PRUNE2: variants seen among roughly 807,000 people sequenced by gnomAD.
PRUNE2 encodes protein prune homolog 2.
In PRUNE2, 164 loss-of-function variants were observed where a neutral mutation model predicts 252.0. The observed-to-expected ratio is 0.65, with a 90% CI of 0.57 to 0.74. The LOEUF is 0.74. Among genes scored for constraint, PRUNE2 ranks in the 30% least tolerant of loss-of-function variants. The pLI is 0.00. For missense variants in PRUNE2, 3,495 were observed against 3,711.0 expected (o/e 0.94, Z 1.51); for synonymous variants, 1,292 against 1,350.2 (o/e 0.96, Z 0.94).
At chr9:76,661,910 C>T (rs139160345) in intron 9 of PRUNE2, among the ~76,000 whole-genome samples, 168 of 151,462 alleles carry the variant, frequency 1.1e-3, no homozygotes, top group African/African-American at 3.9e-3. Context: ...ACTTACCATA[C>T]GTGATGTCTC....
chr9:76,839,974 A>T (rs1388846046), intron 4 of PRUNE2, among the ~76,000 whole-genome samples: 2 of 152,248 alleles, frequency 1.3e-5, no homozygotes, highest in East Asian at 1.9e-4. Flanking sequence ...CAAGAAACTA[A>T]AAGGTTCTAC....
rs755197088 is a variant in PRUNE2, at chr9:76,842,073, C to T, written c.508+4442G>A. On this transcript the variant is annotated intron_variant, in intron 4 of 18. Transcript: ENST00000376718. ...CAAAAAGAACAAAATGGAGGTATCA[C>T]GCTACCTGACTTCAAACTATACTAC... Among the ~76,000 whole-genome samples the T allele has an allele frequency of 1.8e-4, 28 of 152,146 alleles. 1 individual carries two copies. In the South Asian group the frequency reaches 2.3e-3, roughly 12 times the overall value.
intron 6 of PRUNE2, among the ~76,000 whole-genome samples, chr9:76,731,696 GA>G (rs1054318180): frequency 4.6e-5 from 7 of 151,992 alleles, no homozygotes; most frequent in African/African-American, 1.7e-4. Flanking sequence ...AGAGCAAGGA[GA>G]AAATTCCAGA....
chr9:76,731,328 T>A (rs58194034), intron 6 of PRUNE2, among the ~76,000 whole-genome samples: 21,518 of 133,216 alleles, frequency 0.16, 2,195 homozygotes, highest in East Asian at 0.47. Context: ...ATATATATTT[T>A]TTTTTTTTTT....
chr9:76,675,588 T>C (rs2042383809), intron 9 of PRUNE2, among the ~76,000 whole-genome samples: 1 of 112,290 alleles, frequency 8.9e-6, no homozygotes, highest in Non-Finnish European at 2.0e-5. Flanking sequence ...GGACTATAAA[T>C]CATGCTGCTA....
intron 12 of PRUNE2, chr9:76,642,014 A>G (rs1842833895): frequency 3.0e-6 from 4 of 1,352,534 alleles, no homozygotes; most frequent in Non-Finnish European, 3.0e-6. Context: ...AAAAAAAAAA[A>G]AAAGAAAAGA....
At chr9:76,804,508 G>A (rs1208482881) in intron 6 of PRUNE2, among the ~76,000 whole-genome samples, 1 of 152,200 alleles carries the variant, frequency 6.6e-6, no homozygotes, top group African/African-American at 2.4e-5. Flanking sequence ...TCATCTTGGT[G>A]CTTCAACATA....
In PRUNE2 at chr9:76,703,959, G is replaced by A; in HGVS notation, c.7654C>T (p.Leu2552Phe). Residue 2552 changes from leucine to phenylalanine, a missense_variant, in exon 9 of 19, where the codon CTT (leucine) becomes TTT (phenylalanine). Coordinates refer to ENST00000376718, the MANE Select transcript of PRUNE2 (RefSeq NM_015225.3). Reference protein sequence around the residue: ...DRHALHMDYILVNREENSHSK... With the variant: ...DRHALHMDYIFVNREENSHSK... ...TGTGAATTTTCTTCACGGTTTACAA[G>A]TATGTAATCCATGTGTAGTGCATGA... 5 of 1,613,890 alleles carry A rather than the reference G, an allele frequency of 3.1e-6. No homozygotes were observed. Among genetic ancestry groups the A allele is most frequent in the Non-Finnish European group, 4.2e-6 (5 of 1,179,832 alleles).
intron 6 of PRUNE2, among the ~76,000 whole-genome samples, chr9:76,716,148 C>T (rs924306540): frequency 1.3e-5 from 2 of 152,174 alleles, no homozygotes; most frequent in Non-Finnish European, 2.9e-5. Flanking sequence ...GATTAAGAAT[C>T]AGTAGAATCA....
At chr9:76,752,085 GTTT>G (rs1228094533) in intron 6 of PRUNE2, among the ~76,000 whole-genome samples, 6 of 73,342 alleles carry the variant, frequency 8.2e-5, no homozygotes, top group African/African-American at 4.2e-4. Context: ...CTCAATTCCT[GTTT>G]TTTTTTTGGT....
At chr9:76,755,348 A>T (rs920819332) in intron 6 of PRUNE2, among the ~76,000 whole-genome samples, 2 of 152,218 alleles carry the variant, frequency 1.3e-5, no homozygotes. Flanking sequence ...ACGAATGAAA[A>T]AAAGATAAAC....
rs563001413 is a variant in PRUNE2, at chr9:76,661,115, A to G, written c.8277-5613T>C. The stretch of plus-strand genomic sequence containing the variant: ...GGTTGTCATAGCAGGTAATGTCACC[A>G]AGACCTCAGTAGCCATTCTGCTTAA... On this transcript the variant is annotated intron_variant, in intron 9 of 18. Coordinates refer to ENST00000376718, the MANE Select transcript of PRUNE2 (RefSeq NM_015225.3). 2.0e-5 allele frequency among the ~76,000 whole-genome samples: 3 copies of G among 152,344 alleles called. No homozygotes were observed. The East Asian group carries it at 5.8e-4, about 29-fold the overall frequency.
At chr9:76,864,130 A>G (rs1008419282) in intron 1 of PRUNE2, among the ~76,000 whole-genome samples, 2 of 152,214 alleles carry the variant, frequency 1.3e-5, no homozygotes, top group African/African-American at 4.8e-5. Context: ...AACAAAATCA[A>G]GTCCTTTGCA....
intron 9 of PRUNE2, among the ~76,000 whole-genome samples, chr9:76,678,228 T>G (rs1404795177): frequency 6.6e-6 from 1 of 151,212 alleles, no homozygotes; most frequent in African/African-American, 2.4e-5. Flanking sequence ...GGTGGGCGCC[T>G]TTAATCCCAG....
At chr9:76,842,534 G>C (rs1324151344) in intron 4 of PRUNE2, among the ~76,000 whole-genome samples, 1 of 152,118 alleles carries the variant, frequency 6.6e-6, no homozygotes, top group Admixed American at 6.5e-5. Flanking sequence ...ACTATCATCA[G>C]AATGAACAGG....
intron 6 of PRUNE2, among the ~76,000 whole-genome samples, chr9:76,726,415 A>G (rs2135342245): frequency 6.6e-6 from 1 of 152,316 alleles, no homozygotes; most frequent in East Asian, 1.9e-4. Context: ...ATACATTCTA[A>G]CACACACATG....
chr9:76,866,206 A>G (rs989099772), intron 1 of PRUNE2, among the ~76,000 whole-genome samples: 1 of 152,226 alleles, frequency 6.6e-6, no homozygotes, highest in Non-Finnish European at 1.5e-5. Context: ...CATAATTCTA[A>G]TTAGCTACCA....
intron 9 of PRUNE2, among the ~76,000 whole-genome samples, chr9:76,662,404 G>A (rs191190852): frequency 1.1e-4 from 16 of 152,304 alleles, no homozygotes; most frequent in Non-Finnish European, 2.1e-4. Context: ...AGAGAATGAA[G>A]GACAACAAAT....
chr9:76,842,831 T>C (rs1302245341), intron 4 of PRUNE2, among the ~76,000 whole-genome samples: 2 of 152,272 alleles, frequency 1.3e-5, no homozygotes, highest in East Asian at 3.9e-4. Flanking sequence ...TAACAACAGA[T>C]GCTGGAGGGG....
Sources: gnomAD v4.1 joint callset for allele counts (sites outside exome capture counted in the v4.1 genomes callset) on GRCh38, gnomAD v4.1.1 for gene constraint, MANE v1.5 for transcripts, NCBI Gene and HGNC (gene_info 2026-07-23, HGNC 2026-07-21) for gene names.